The following NLGN4X variants were observed in gnomAD, a reference collection of about 807,000 sequenced individuals.
NLGN4X encodes neuroligin 4 X-linked.
A neutral mutation model predicts 40.3 loss-of-function variants in NLGN4X; 3 were observed. The observed-to-expected ratio is 0.07, with a 90% CI of 0.03 to 0.19. NLGN4X has a LOEUF of 0.19. Among genes scored for constraint, NLGN4X ranks in the 10% least tolerant of loss-of-function variants. NLGN4X has a pLI of 1.00. For missense variants in NLGN4X, 382 were observed against 708.3 expected (o/e 0.54, Z 5.23); for synonymous variants, 270 against 306.8 (o/e 0.88, Z 1.25).
At chrX:6,124,308 G>A (rs1040855765) in intron 2 of NLGN4X, among the ~76,000 whole-genome samples, 1 of 111,168 alleles carries the variant, frequency 9.0e-6, no homozygotes, top group Non-Finnish European at 1.9e-5. Context: ...TAAGATAAAG[G>A]ACAGATAAGA....
At chrX:6,015,318 C>A (rs566327705) in intron 3 of NLGN4X, among the ~76,000 whole-genome samples, 23 of 111,780 alleles carry the variant, frequency 2.1e-4, no homozygotes, top group African/African-American at 7.5e-4. Context: ...ACTACTACAT[C>A]TTCCTTGGCA....
chrX:6,171,886 G>GGTACT (rs1307752307), intron 1 of NLGN4X, among the ~76,000 whole-genome samples: 1 of 111,271 alleles, frequency 9.0e-6, no homozygotes, highest in Non-Finnish European at 1.9e-5. Context: ...TCTCTTGAAT[G>GGTACT]GTACTGTACA....
chrX:6,194,716 T>C (rs1374888787), intron 1 of NLGN4X, among the ~76,000 whole-genome samples: 4 of 112,172 alleles, frequency 3.6e-5, no homozygotes, highest in Non-Finnish European at 7.5e-5. Context: ...ATATTGTTGA[T>C]GAAACTGTAT....
At chrX:6,045,253 G>T (rs1426097248) in intron 2 of NLGN4X, among the ~76,000 whole-genome samples, 1 of 112,150 alleles carries the variant, frequency 8.9e-6, no homozygotes, top group Non-Finnish European at 1.9e-5. Flanking sequence ...AAGAAGGTGA[G>T]ACTGTCAATA....
At chrX:6,035,881 AACTT>A (rs1262238590) in intron 2 of NLGN4X, among the ~76,000 whole-genome samples, 1 of 111,821 alleles carries the variant, frequency 8.9e-6, no homozygotes, top group Non-Finnish European at 1.9e-5. Flanking sequence ...TCTTTTCTCT[AACTT>A]AGTTTATTGT....
At chrX:6,032,656 G>T in intron 2 of NLGN4X, 1 of 971,229 alleles carries the variant, frequency 1.0e-6, no homozygotes, top group Non-Finnish European at 1.4e-6. Flanking sequence ...ATAAAATCAT[G>T]CACTGGGGTT....
intron 1 of NLGN4X, among the ~76,000 whole-genome samples, chrX:6,191,758 C>T (rs1434420948): frequency 9.0e-6 from 1 of 111,322 alleles, no homozygotes; most frequent in Non-Finnish European, 1.9e-5. Flanking sequence ...ACTCGGGAGG[C>T]TGAGGCAGGA....
chrX:6,009,998 T>G (rs1416977389), intron 3 of NLGN4X, among the ~76,000 whole-genome samples: 2 of 112,418 alleles, frequency 1.8e-5, no homozygotes, highest in Non-Finnish European at 3.7e-5. Context: ...ATTCCAAATG[T>G]ATCCCACGTC....
rs191372708 is a variant in NLGN4X at position 5,989,481 on chromosome X, A to G, written c.625+39799T>C. ...CAGTCAGCACCCATATACCTTTATC[A>G]TTTCACTAGTTTTACTTCTTAAAGT... is the stretch of plus-strand genomic sequence containing the variant. On this transcript the variant is annotated intron_variant, in intron 3 of 5. Coordinates refer to ENST00000381095, the MANE Select transcript of NLGN4X (RefSeq NM_181332.3). Among the ~76,000 whole-genome samples the G allele has an allele frequency of 4.1e-3, 456 of 112,212 alleles. 5 individuals are homozygous for G. The highest frequency in any genetic ancestry group is 0.014 in the African/African-American group (438 of 30,923).
At chrX:6,075,503 A>G (rs779602163) in intron 2 of NLGN4X, among the ~76,000 whole-genome samples, 1 of 111,972 alleles carries the variant, frequency 8.9e-6, no homozygotes, top group East Asian at 2.8e-4. Context: ...AGAGTGCTAT[A>G]GTTTGGATGT....
At chrX:6,181,262 C>G (rs894397214) in intron 1 of NLGN4X, among the ~76,000 whole-genome samples, 1 of 111,518 alleles carries the variant, frequency 9.0e-6, no homozygotes, top group Non-Finnish European at 1.9e-5. Flanking sequence ...ATCTATTACA[C>G]TATAATTACA....
chrX:5,892,840 C>T lies in NLGN4X; in HGVS notation c.2428G>A (p.Gly810Arg), dbSNP rs1181689310. 2.5e-6 allele frequency: 3 copies of T among 1,211,011 alleles called. No individual in the cohort carries two copies. The highest frequency in any genetic ancestry group is 3.4e-6 in the Non-Finnish European group (3 of 895,331). ...GGQNSTNLPHGHSTTRV is the reference protein window; with the variant it reads ...GGQNSTNLPHRHSTTRV Reference sequence around the variant, plus strand: ...AGCTATACTCTAGTGGTGGAATGTCCGTGGGGTAAATTTGTACTGTTTTGT... The same window carrying T: ...AGCTATACTCTAGTGGTGGAATGTCTGTGGGGTAAATTTGTACTGTTTTGT... The change falls in exon 6 of 6, where the codon GGA becomes AGA. Residue 810 changes from glycine (G) to arginine (R), a missense_variant. By Grantham distance (125) the Gly-to-Arg change is moderately radical. Transcript: ENST00000381095.
At chrX:5,938,941 ATG>A (rs1347807359) in intron 3 of NLGN4X, among the ~76,000 whole-genome samples, 1 of 105,521 alleles carries the variant, frequency 9.5e-6, no homozygotes, top group Admixed American at 1.0e-4. Flanking sequence ...TACAGAGATT[ATG>A]TGTGTTTGTA....
chrX:5,910,053 C>T (rs1002302852), intron 3 of NLGN4X, among the ~76,000 whole-genome samples: 20 of 111,341 alleles, frequency 1.8e-4, no homozygotes, highest in Non-Finnish European at 3.6e-4. Context: ...TGAAAAATGG[C>T]AATTTTGGTA....
intron 2 of NLGN4X, among the ~76,000 whole-genome samples, chrX:6,050,386 G>A (rs191498030): frequency 7.5e-4 from 83 of 110,564 alleles, no homozygotes; most frequent in African/African-American, 2.5e-3. Context: ...CTACCTGTCT[G>A]TCTATTTACC....
At chrX:6,091,383 G>C (rs1396765182) in intron 2 of NLGN4X, among the ~76,000 whole-genome samples, 1 of 111,219 alleles carries the variant, frequency 9.0e-6, no homozygotes, top group Non-Finnish European at 1.9e-5. Context: ...CATCTGCACT[G>C]CTACAAGATC....
At chrX:6,149,367 T>C (rs2040117128) in intron 2 of NLGN4X, among the ~76,000 whole-genome samples, 1 of 112,189 alleles carries the variant, frequency 8.9e-6, no homozygotes. Context: ...TCCAAAGTAT[T>C]ATGAAAGCAA....
chrX:6,049,468 G>C (rs1394078962), intron 2 of NLGN4X, among the ~76,000 whole-genome samples: 2 of 108,433 alleles, frequency 1.8e-5, no homozygotes, highest in Non-Finnish European at 3.8e-5. Context: ...TATTTCTTTA[G>C]CCTCCACATA....
At chrX:5,901,466 A>T (rs1452343971) in intron 5 of NLGN4X, among the ~76,000 whole-genome samples, 1 of 111,912 alleles carries the variant, frequency 8.9e-6, no homozygotes, top group East Asian at 2.8e-4. Context: ...ATTATTAGAC[A>T]AGAGAAAATG....
Sources: gnomAD v4.1 joint callset for allele counts (sites outside exome capture counted in the v4.1 genomes callset) on GRCh38, gnomAD v4.1.1 for gene constraint, MANE v1.5 for transcripts, NCBI Gene and HGNC (gene_info 2026-07-23, HGNC 2026-07-21) for gene names.